The following WASF2 variants were observed in gnomAD, a reference collection of about 807,000 sequenced individuals.
WASF2 encodes actin-binding protein WASF2.
Under a neutral mutation model 45.0 loss-of-function variants are expected in WASF2, and 14 were observed. The ratio of observed to expected loss-of-function variants is 0.31; its 90% CI spans 0.21 to 0.49. The LOEUF (loss-of-function observed/expected upper bound fraction) is 0.49, where lower values mean the gene tolerates loss of function less well. Among genes scored for constraint, WASF2 ranks in the 20% least tolerant of loss-of-function variants. WASF2 has a pLI of 0.99. For synonymous variants in WASF2, 200 were observed against 236.3 expected, an observed-to-expected ratio of 0.85 and a Z score of 1.41; for missense variants, 439 against 636.1, an observed-to-expected ratio of 0.69 and a Z score of 3.33.
chr1:27,468,795 C>T (rs1171615038), intron 1 of WASF2, among the ~76,000 whole-genome samples: 1 of 151,712 alleles, frequency 6.6e-6, no homozygotes, highest in Non-Finnish European at 1.5e-5. Flanking sequence ...GCCTGGCCAA[C>T]ATGGTGAAAC....
At chr1:27,463,797 TA>T (rs2017579819) in intron 1 of WASF2, among the ~76,000 whole-genome samples, 4 of 149,040 alleles carry the variant, frequency 2.7e-5, no homozygotes, top group African/African-American at 1.0e-4. Flanking sequence ...TTTATATTAT[TA>T]TTATTATTTT....
intron 1 of WASF2, among the ~76,000 whole-genome samples, chr1:27,439,834 A>G (rs1328780368): frequency 6.6e-6 from 1 of 151,744 alleles, no homozygotes; most frequent in Non-Finnish European, 1.5e-5. Context: ...CCTTGTCTCT[A>G]CAAAAAAAAT....
rs1571117576 is a variant in WASF2, at chr1:27,410,059, T to C, written c.972A>G (p.Pro324=). The stretch of plus-strand genomic sequence containing the variant: ...GGATGCCTATCATTGGAGGCGGAGG[T>C]GGCGGAGGGGCAGGTGGTGGAGCAA... ...PGFAPPPAPP[P]PPPPMIGIPP... Residue 324 remains proline (P), a synonymous_variant, in exon 8 of 9, where the codon CCA becomes CCG. Transcript: ENST00000618852. The surrounding 1 kb of genome is among the most constrained non-coding windows in gnomAD (Gnocchi z 4.2). 2 of 1,609,036 alleles carry C rather than the reference T, an allele frequency of 1.2e-6. No individual in the cohort carries two copies. Among genetic ancestry groups the C allele is most frequent in the African/African-American group, 1.3e-5 (1 of 74,228 alleles).
chr1:27,485,103 T>C (rs2017905623), intron 1 of WASF2, among the ~76,000 whole-genome samples: 1 of 152,074 alleles, frequency 6.6e-6, no homozygotes, highest in Non-Finnish European at 1.5e-5. Context: ...TGAGCCAAGA[T>C]TGCGCCATTG....
At position 27,416,024 on chromosome 1, in the gene WASF2, C is replaced by A; in HGVS notation, c.498G>T (p.Gln166His). ...TCTCTTTCATGATATCCTTGGTGTC[C>A]TGCAGCATCTTCTCCTTCCAAAGAT... ...FFDLWKEKMLQDTKDIMKEKR... is the reference protein window; with the variant it reads ...FFDLWKEKMLHDTKDIMKEKR... The change falls in exon 5 of 9, where the codon CAG becomes CAT. Residue 166 changes from glutamine (Q) to histidine (H), a missense_variant. Gln to His is a conservative substitution (Grantham distance 24). Transcript: ENST00000618852. 1 of 1,614,060 alleles carries A rather than the reference C, an allele frequency of 6.2e-7. No homozygotes were observed. Among genetic ancestry groups the A allele is most frequent in the Non-Finnish European group, 8.5e-7 (1 of 1,179,984 alleles).
Position 27,432,627 on chromosome 1 carries a change from G to A in WASF2, c.-43-3694C>T, listed in dbSNP as rs137882747. Among the ~76,000 whole-genome samples, 4,316 of 105,108 alleles carry A rather than the reference G, an allele frequency of 0.041. 410 individuals are homozygous for A. The East Asian group carries it at 0.41, about 10-fold the overall frequency. The allele number at this position is 105,108 out of a possible 152,430, so 69.0% of individuals were successfully genotyped here. ...CGCGCCACTGCACTCCAGCCTGGGC[G>A]ACAGAGCGAAACTCTGTCTCAAAAA... On this transcript the variant is annotated intron_variant, in intron 1 of 8. Transcript: ENST00000618852.
In WASF2 at chr1:27,408,147, T is replaced by C. The variant is rs1411444341; in HGVS notation, c.*42A>G. 2 of 1,593,456 alleles carry C rather than the reference T, an allele frequency of 1.3e-6. No homozygotes were observed. Among genetic ancestry groups the C allele is most frequent in the Admixed American group, 3.4e-5 (2 of 58,918 alleles). On this transcript the variant is annotated 3_prime_UTR_variant, in exon 9 of 9. Transcript: ENST00000618852. ...TGGGGTTGGCATCAAAGAAGGCAGG[T>C]AGGAAGGAAAGAAAAAGAAGGTGGG...
intron 1 of WASF2, among the ~76,000 whole-genome samples, chr1:27,480,896 C>T (rs1424045037): frequency 1.3e-5 from 2 of 151,684 alleles, no homozygotes; most frequent in African/African-American, 4.9e-5. Context: ...GTAGTCCCAG[C>T]TACTCCCAGC....
In WASF2 at chr1:27,465,964, T is replaced by A. The variant is rs561925925; in HGVS notation, c.-44+24022A>T. On this transcript the variant is annotated intron_variant, in intron 1 of 8. Transcript: ENST00000618852. ...CTTGAAGAACTTCCCACTGGTCCAATATGAAACAAAGTTAACATCAATAAG... is the reference window on the plus strand; with the variant it reads ...CTTGAAGAACTTCCCACTGGTCCAAAATGAAACAAAGTTAACATCAATAAG... Among the ~76,000 whole-genome samples, 3 of 152,270 alleles carry A rather than the reference T, an allele frequency of 2.0e-5. No homozygotes were observed. In the East Asian group the frequency reaches 5.8e-4, roughly 29 times the overall value.
Position 27,456,662 on chromosome 1 carries a change from T to C in WASF2, c.-43-27729A>G, listed in dbSNP as rs2017471394. 3.3e-5 allele frequency among the ~76,000 whole-genome samples: 5 copies of C among 152,070 alleles called. No homozygotes were observed. The South Asian group carries it at 1.0e-3, about 31-fold the overall frequency. On this transcript the variant is annotated intron_variant, in intron 1 of 8. Transcript: ENST00000618852. ...TAGGAATAAATAAATAAATACATAA[T>C]TTGGTCATGGTGCTTTCCTCTGGAA... is the stretch of plus-strand genomic sequence containing the variant.
chr1:27,417,314 C>T (rs970995057), intron 4 of WASF2, among the ~76,000 whole-genome samples: 2 of 152,168 alleles, frequency 1.3e-5, no homozygotes, highest in Non-Finnish European at 2.9e-5. Flanking sequence ...AGAGTCAAAC[C>T]TCTGTCCTGC....
chr1:27,486,974 T>C (rs975064058), intron 1 of WASF2, among the ~76,000 whole-genome samples: 7 of 147,868 alleles, frequency 4.7e-5, no homozygotes, highest in Non-Finnish European at 8.9e-5. Flanking sequence ...ATATATATTA[T>C]ATATAATCTA....
intron 1 of WASF2, among the ~76,000 whole-genome samples, chr1:27,435,239 C>A (rs575905302): frequency 6.6e-6 from 1 of 152,116 alleles, no homozygotes; most frequent in African/African-American, 2.4e-5. Flanking sequence ...AGCCACCATG[C>A]CCAGCCTATC....
intron 1 of WASF2, among the ~76,000 whole-genome samples, chr1:27,463,124 G>A (rs1308561942): frequency 6.6e-6 from 1 of 152,160 alleles, no homozygotes; most frequent in Non-Finnish European, 1.5e-5. Flanking sequence ...CTGGCCGTTA[G>A]CTGCTTTTAG....
intron 1 of WASF2, among the ~76,000 whole-genome samples, chr1:27,458,277 C>T (rs1168442272): frequency 7.5e-6 from 1 of 134,098 alleles, no homozygotes; most frequent in East Asian, 2.5e-4. Flanking sequence ...CGCGTCACTG[C>T]CCTCCAGCCT....
intron 1 of WASF2, among the ~76,000 whole-genome samples, chr1:27,439,190 T>G (rs1315376113): frequency 6.6e-6 from 1 of 152,228 alleles, no homozygotes; most frequent in Admixed American, 6.5e-5. Context: ...TTTCCTAGCC[T>G]GTTAAATCAT....
At position 27,477,911 on chromosome 1, in the gene WASF2, T is replaced by TA. The variant is rs1182335929; in HGVS notation, c.-44+12074dup. Among the ~76,000 whole-genome samples, 259 of 119,018 alleles carry TA rather than the reference T, an allele frequency of 2.2e-3. 14 individuals carry two copies. The highest frequency in any genetic ancestry group is 3.2e-3 in the Admixed American group (39 of 12,204). 78.1% of individuals were successfully genotyped at this position (119,018 alleles called of 152,430 possible). ...GAGACTCCGTCTCAAAAAAAAAAAA[T>TA]AAATAAATAAAAAAAAAAATAAAAA... On this transcript the variant is annotated intron_variant, in intron 1 of 8. Coordinates refer to ENST00000618852, the MANE Select transcript of WASF2 (RefSeq NM_006990.5).
intron 2 of WASF2, among the ~76,000 whole-genome samples, chr1:27,419,788 CA>C (rs1334522016): frequency 1.2e-4 from 18 of 152,232 alleles, no homozygotes; most frequent in African/African-American, 4.1e-4. Context: ...ATACAGTGAA[CA>C]ACTATGATCA....
intron 1 of WASF2, among the ~76,000 whole-genome samples, chr1:27,470,263 A>G (rs1417136826): frequency 6.6e-6 from 1 of 152,266 alleles, no homozygotes; most frequent in Non-Finnish European, 1.5e-5. Flanking sequence ...TTAGTCAATA[A>G]GCATTGGGAG....
Sources: allele counts gnomAD v4.1 joint callset (sites outside exome capture counted in the v4.1 genomes callset), GRCh38; gene constraint gnomAD v4.1.1; non-coding constraint Gnocchi (gnomAD v3.1); transcripts MANE v1.5; gene names NCBI Gene and HGNC (gene_info 2026-07-23, HGNC 2026-07-21).